LRRC53: variants seen among roughly 807,000 people sequenced by gnomAD.
The protein encoded by LRRC53 is leucine-rich repeat-containing protein 53.
Under a neutral mutation model 13.6 loss-of-function variants are expected in LRRC53, and 25 were observed. The ratio of observed to expected loss-of-function variants is 1.83; its 90% CI spans 1.34 to 2.56. The LOEUF (loss-of-function observed/expected upper bound fraction) is 2.56. Among genes scored for constraint, LRRC53 ranks in the 30% most tolerant of loss-of-function variants. LRRC53 has a pLI of 0.00. For missense variants in LRRC53, 527 were observed against 275.8 expected (o/e 1.91, Z -6.45); for synonymous variants, 204 against 109.8 (o/e 1.86, Z -5.37).
the LRRC53 span, among the ~76,000 whole-genome samples, chr1:74,520,614 C>CA: frequency 0.024 from 3,494 of 147,106 alleles, 99 homozygotes; most frequent in African/African-American, 0.063. Flanking sequence ...CTCACAACTT[C>CA]AAAAAAAAAA....
chr1:74,479,241 C>T (rs1009742851), intron 3 of LRRC53, among the ~76,000 whole-genome samples: 1 of 152,162 alleles, frequency 6.6e-6, no homozygotes, highest in Non-Finnish European at 1.5e-5. Flanking sequence ...AAAACACACA[C>T]ATCGAGCTAG....
chr1:74,489,101 T>C, intron 1 of LRRC53: 2 of 1,075,598 alleles, frequency 1.9e-6, no homozygotes, highest in Non-Finnish European at 2.7e-6. Context: ...TCTCATTCTT[T>C]ACAAATGCTA....
At chr1:74,494,340 G>C (rs1669224787) in intron 1 of LRRC53, among the ~76,000 whole-genome samples, 1 of 152,178 alleles carries the variant, frequency 6.6e-6, no homozygotes, top group Non-Finnish European at 1.5e-5. Flanking sequence ...ATCTGATAAA[G>C]GAGTTGCAGC....
At chr1:74,497,237 G>C (rs923812829) in intron 1 of LRRC53, among the ~76,000 whole-genome samples, 4 of 152,256 alleles carry the variant, frequency 2.6e-5, no homozygotes, top group African/African-American at 9.6e-5. Context: ...AGAGCAGCAA[G>C]GGGACCGTGT....
In LRRC53 at chr1:74,475,342, C is replaced by G. The variant is rs1337598842; in HGVS notation, c.1373G>C (p.Gly458Ala). 3 of 711,638 alleles carry G rather than the reference C, an allele frequency of 4.2e-6. No homozygotes were observed. The highest frequency in any genetic ancestry group is 4.1e-5 in the Admixed American group (2 of 48,670). 44.1% of individuals were successfully genotyped at this position (711,638 alleles called of 1,614,324 possible). A position where few individuals can be genotyped will look rare whatever the true frequency, so the allele number is the denominator to read the frequency against. ...TTGCAGAGTTTGAGGCTGGACTTCT[C>G]CAGGCTCAAGATTCCATAGCTTTTG... ...KVQKLWNLEP[G>A]EVQPQTLQHH... The change falls in exon 4 of 5, where the codon GGA becomes GCA. Residue 458 changes from glycine to alanine, a missense_variant. Transcript: ENST00000294635.
the LRRC53 span, among the ~76,000 whole-genome samples, chr1:74,520,184 A>G: frequency 6.6e-6 from 1 of 151,634 alleles, no homozygotes; most frequent in Non-Finnish European, 1.5e-5. Flanking sequence ...CACAAAGTCC[A>G]TAGTGTCATT....
At chr1:74,488,024 T>G (rs1234957042) in intron 1 of LRRC53, among the ~76,000 whole-genome samples, 1 of 151,766 alleles carries the variant, frequency 6.6e-6, no homozygotes, top group African/African-American at 2.4e-5. Context: ...TGGAGAAGAG[T>G]AGGCAAAGGA....
chr1:74,528,303 G>T, the LRRC53 span, among the ~76,000 whole-genome samples: 1 of 152,086 alleles, frequency 6.6e-6, no homozygotes, highest in South Asian at 2.1e-4. Context: ...GGGTGAGGAG[G>T]GCATGGCATA....
At chr1:74,513,269 G>A (rs1420642192), upstream of LRRC53, among the ~76,000 whole-genome samples, 1 of 152,130 alleles carries the variant, frequency 6.6e-6, no homozygotes, top group Non-Finnish European at 1.5e-5. Flanking sequence ...AATTATACCG[G>A]GATGTGGAAA....
the LRRC53 span, among the ~76,000 whole-genome samples, chr1:74,530,507 AC>A: frequency 6.6e-6 from 1 of 152,168 alleles, no homozygotes; most frequent in Non-Finnish European, 1.5e-5. Context: ...TTGTTTTCCC[AC>A]TGTCCTTAAA....
chr1:74,492,400 A>AT, intron 1 of LRRC53: 1 of 1,197,428 alleles, frequency 8.4e-7, no homozygotes, highest in Non-Finnish European at 1.1e-6. Flanking sequence ...TTTTCAGCCC[A>AT]TTTTTCTTAC....
the LRRC53 span, among the ~76,000 whole-genome samples, chr1:74,534,063 G>A: frequency 6.6e-6 from 1 of 152,002 alleles, no homozygotes; most frequent in African/African-American, 2.4e-5. Context: ...ACCCCACAGG[G>A]GTTTTATAAA....
At chr1:74,533,227 C>A in the LRRC53 span, among the ~76,000 whole-genome samples, 1 of 152,254 alleles carries the variant, frequency 6.6e-6, no homozygotes, top group East Asian at 1.9e-4. Context: ...AAAAAACAAA[C>A]ATCCCCATCA....
At chr1:74,530,739 T>C in the LRRC53 span, among the ~76,000 whole-genome samples, 1 of 142,310 alleles carries the variant, frequency 7.0e-6, no homozygotes, top group South Asian at 2.2e-4. Flanking sequence ...TTTTTTTTTT[T>C]CCTGGATGAT....
chr1:74,523,899 T>C, the LRRC53 span, among the ~76,000 whole-genome samples: 1 of 152,108 alleles, frequency 6.6e-6, no homozygotes, highest in Non-Finnish European at 1.5e-5. Context: ...ACATTAAACA[T>C]TTCTCCTAAT....
intron 1 of LRRC53, among the ~76,000 whole-genome samples, chr1:74,484,958 G>A (rs1049906726): frequency 6.6e-6 from 1 of 152,156 alleles, no homozygotes; most frequent in African/African-American, 2.4e-5. Flanking sequence ...ATGATGTGGT[G>A]TAGAGAAGGA....
intron 2 of LRRC53, among the ~76,000 whole-genome samples, chr1:74,481,826 TC>T (rs1169231249): frequency 6.6e-6 from 1 of 152,200 alleles, no homozygotes; most frequent in East Asian, 1.9e-4. Flanking sequence ...AATGACAGTG[TC>T]ATAAGGATAG....
the LRRC53 span, among the ~76,000 whole-genome samples, chr1:74,529,599 A>G: frequency 2.6e-5 from 4 of 152,194 alleles, no homozygotes; most frequent in Non-Finnish European, 5.9e-5. Context: ...GAAGAATCAA[A>G]TGATTGTATT....
chr1:74,500,706 A>C (rs969197772), intron 1 of LRRC53, among the ~76,000 whole-genome samples: 1 of 145,614 alleles, frequency 6.9e-6, no homozygotes, highest in Non-Finnish European at 1.5e-5. Context: ...AAAAACACTT[A>C]TCTTCCCTCT....
Sources: gnomAD v4.1 joint callset for allele counts (sites outside exome capture counted in the v4.1 genomes callset) on GRCh38, gnomAD v4.1.1 for gene constraint, MANE v1.5 for transcripts, NCBI Gene and HGNC (gene_info 2026-07-23, HGNC 2026-07-21) for gene names.